ATPAF1: variants seen among roughly 807,000 people sequenced by gnomAD.
ATPAF1 encodes the protein ATP synthase mitochondrial F1 complex assembly factor 1.
A neutral mutation model predicts 43.9 loss-of-function variants in ATPAF1; 26 were observed. The observed-to-expected ratio is 0.59, with a 90% CI of 0.43 to 0.82. The LOEUF (loss-of-function observed/expected upper bound fraction) is 0.82, where lower values mean the gene tolerates loss of function less well. Ranked by LOEUF, ATPAF1 falls within the 40% of genes least tolerant of loss-of-function variation. ATPAF1 has a pLI of 0.00. For missense variants in ATPAF1, 366 were observed against 435.0 expected, an observed-to-expected ratio of 0.84 and a Z score of 1.41; for synonymous variants, 157 against 168.0, an observed-to-expected ratio of 0.93 and a Z score of 0.50.
intron 1 of ATPAF1, among the ~76,000 whole-genome samples, chr1:46,667,412 C>T (rs1225262553): frequency 2.6e-5 from 4 of 152,170 alleles, no homozygotes; most frequent in Non-Finnish European, 5.9e-5. Context: ...CTCATATGCA[C>T]CTTAAGCCCC....
chr1:46,664,009 AAAGT>A, intron 2 of ATPAF1: 1 of 830,928 alleles, frequency 1.2e-6, no homozygotes, highest in South Asian at 1.7e-5. Flanking sequence ...AAGAGAATAA[AAAGT>A]AATAAGAATG....
chr1:46,665,530 C>T (rs953885439), intron 1 of ATPAF1, 166 bp from the exon 2 acceptor site: 27 of 1,218,746 alleles, frequency 2.2e-5, no homozygotes, highest in African/African-American at 3.1e-5. Context: ...AATAAAGAAA[C>T]TGGAAAAAGA....
chr1:46,643,391 G>T, intron 7 of ATPAF1, 90 bp from the exon 8 acceptor site: 1 of 1,042,854 alleles, frequency 9.6e-7, no homozygotes, highest in Non-Finnish European at 1.4e-6. Flanking sequence ...AGGAAATTCT[G>T]GCTCTTAACA....
rs186886912 is a variant in ATPAF1 at position 46,635,868 on chromosome 1, T to G, written c.895A>C (p.Asn299His). ...ATGACAGACATATATTTGAACTCAT[T>G]TGGTCTGAGGTTAAAGGTCTCCACT... Residue 299 changes from asparagine to histidine, a missense_variant, in exon 9 of 9, where the codon AAT becomes CAT. Transcript: ENST00000574428. 5.5e-5 allele frequency: 89 copies of G among 1,614,238 alleles called. No individual in the cohort carries two copies. In the Admixed American group the frequency reaches 1.0e-3, roughly 19 times the overall value.
At chr1:46,632,893 T>C (rs1675776182), downstream of ATPAF1, 1 of 152,508 alleles carries the variant, frequency 6.6e-6, no homozygotes, top group African/African-American at 2.4e-5. Flanking sequence ...TAAATAAATA[T>C]AATGTATTTG....
chr1:46,648,451 C>T (rs144992302), intron 6 of ATPAF1, among the ~76,000 whole-genome samples: 15 of 152,176 alleles, frequency 9.9e-5, no homozygotes, highest in African/African-American at 2.4e-4. Flanking sequence ...CTCTGTTGTC[C>T]GGTCTGGGCT....
intron 1 of ATPAF1, among the ~76,000 whole-genome samples, chr1:46,667,266 G>T (rs542323287): frequency 3.3e-5 from 5 of 152,312 alleles, no homozygotes; most frequent in South Asian, 4.1e-4. Flanking sequence ...CAAATTTACA[G>T]TACTAAGTCT....
Position 46,645,144 on chromosome 1 carries a change from G to T in ATPAF1, c.684+17C>A. 6.3e-7 allele frequency: 1 copy of T among 1,597,670 alleles called. No homozygotes were observed. The highest frequency in any genetic ancestry group is 8.6e-7 in the Non-Finnish European group (1 of 1,165,460). On this transcript the variant is annotated intron_variant, in intron 7 of 8. Coordinates refer to ENST00000574428, the Ensembl canonical transcript of ATPAF1. ...GGTAGTCCTCTTTCCTCTAGAGGAAGGGCACAAGCCACCTACCTGAATATT... is the reference window on the plus strand; with the variant it reads ...GGTAGTCCTCTTTCCTCTAGAGGAATGGCACAAGCCACCTACCTGAATATT...
intron 2 of ATPAF1, among the ~76,000 whole-genome samples, chr1:46,660,407 T>C (rs1401978696): frequency 6.6e-6 from 1 of 152,210 alleles, no homozygotes; most frequent in African/African-American, 2.4e-5. Context: ...TTTTACACAA[T>C]GTCTCTCCAA....
rs567867691 is a variant in ATPAF1, at chr1:46,656,643, A to G, written c.489+1484T>C. ...TATGTTTCCTTATATAGTTGAATTTAGCTACTCATTTCAACAAACACAAAT... is the reference window on the plus strand; with the variant it reads ...TATGTTTCCTTATATAGTTGAATTTGGCTACTCATTTCAACAAACACAAAT... On this transcript the variant is annotated intron_variant, in intron 4 of 8. Transcript: ENST00000574428. Among the ~76,000 whole-genome samples the G allele has an allele frequency of 3.3e-5, 5 of 152,342 alleles. No homozygotes were observed. The East Asian group carries it at 9.6e-4, about 29-fold the overall frequency.
chr1:46,659,140 G>T (rs1676335847), intron 2 of ATPAF1, among the ~76,000 whole-genome samples: 1 of 152,010 alleles, frequency 6.6e-6, no homozygotes, highest in African/African-American at 2.4e-5. Context: ...GCAGTGAGCC[G>T]AGATCACGCC....
chr1:46,665,808 G>A (rs1676480772), intron 1 of ATPAF1: 1 of 1,452,062 alleles, frequency 6.9e-7, no homozygotes, highest in Non-Finnish European at 9.0e-7. Flanking sequence ...TCAGATCCTG[G>A]TGATTCAGAG....
At chr1:46,639,572 G>C (rs1341741662) in intron 8 of ATPAF1, among the ~76,000 whole-genome samples, 6 of 152,172 alleles carry the variant, frequency 3.9e-5, no homozygotes, top group African/African-American at 1.4e-4. Context: ...ATTAAAGTTA[G>C]TTCAGAAGAA....
At chr1:46,645,420 G>A (rs1409118457) in intron 6 of ATPAF1, among the ~76,000 whole-genome samples, 164 bp from the exon 7 acceptor site, 1 of 152,104 alleles carries the variant, frequency 6.6e-6, no homozygotes, top group Non-Finnish European at 1.5e-5. Context: ...CTGCAGTGCA[G>A]GCATGATCAC....
At chr1:46,633,967 A>G (rs1675793164), downstream of ATPAF1, 3 of 396,594 alleles carry the variant, frequency 7.6e-6, no homozygotes, top group South Asian at 3.7e-5. Flanking sequence ...CAAGTTTCTC[A>G]AAAGATAAAC....
downstream of ATPAF1, chr1:46,634,725 G>A (rs1340107800): frequency 3.3e-5 from 5 of 152,448 alleles, no homozygotes; most frequent in Non-Finnish European, 5.9e-5. Flanking sequence ...TCCTATCACT[G>A]AGCTTGGAGC....
At chr1:46,635,720 G>A in exon 9 of ATPAF1, 1 of 1,500,446 alleles carries the variant, frequency 6.7e-7, no homozygotes, top group South Asian at 1.3e-5. Flanking sequence ...AGGAGGGGGT[G>A]GGCTCTAGAC....
At chr1:46,648,149 T>G (rs1676077470) in intron 6 of ATPAF1, among the ~76,000 whole-genome samples, 1 of 152,204 alleles carries the variant, frequency 6.6e-6, no homozygotes, top group Admixed American at 6.5e-5. Context: ...TCTCACTCTG[T>G]CAGCTAGTCT....
At chr1:46,661,208 G>A (rs1224883367) in intron 2 of ATPAF1, among the ~76,000 whole-genome samples, 3 of 151,970 alleles carry the variant, frequency 2.0e-5, no homozygotes, top group Admixed American at 2.0e-4. Flanking sequence ...GAGTAGCTGG[G>A]ATTACAGGCA....
Sources: allele counts gnomAD v4.1 joint callset (sites outside exome capture counted in the v4.1 genomes callset), GRCh38; gene constraint gnomAD v4.1.1; transcripts MANE v1.5; gene names NCBI Gene and HGNC (gene_info 2026-07-23, HGNC 2026-07-21).